TNIP3: variants seen among roughly 807,000 people sequenced by gnomAD.
TNIP3 encodes the protein TNFAIP3-interacting protein 3.
TNIP3 carries 34 observed loss-of-function variants against 54.1 expected under a neutral mutation model. The ratio of observed to expected loss-of-function variants is 0.63; its 90% CI spans 0.48 to 0.84. The LOEUF is 0.84. Among genes scored for constraint, TNIP3 ranks in the 40% least tolerant of loss-of-function variants. The probability of loss-of-function intolerance (pLI) is 0.00; values close to 1 mark genes in which losing one functional copy is unlikely to be tolerated. For missense variants in TNIP3, 366 were observed against 387.6 expected (o/e 0.94, Z 0.47); for synonymous variants, 134 against 136.8 (o/e 0.98, Z 0.14).
At chr4:121,169,745 T>A (rs1427157157) in intron 3 of TNIP3, among the ~76,000 whole-genome samples, 1 of 152,126 alleles carries the variant, frequency 6.6e-6, no homozygotes. Context: ...CTCTCTTTGA[T>A]CCCCCAAACC....
In TNIP3 at chr4:121,164,121, G is replaced by A; in HGVS notation, c.5C>T (p.Ala2Val). MAHFVQGTSRMI... is the reference protein window; with the variant it reads MVHFVQGTSRMI... The stretch of plus-strand genomic sequence containing the variant: ...TCTAGATGTGCCCTGTACAAAATGT[G>A]CCATGGAAGCTGTTTTTCCTGGAGT... Residue 2 changes from alanine (A) to valine (V), a missense_variant, in exon 1 of 11, where the codon GCA (alanine) becomes GTA (valine). Transcript: ENST00000057513. 1 of 1,613,710 alleles carries A rather than the reference G, an allele frequency of 6.2e-7. No individual in the cohort carries two copies.
chr4:121,177,441 T>G (rs991463867), intron 3 of TNIP3, among the ~76,000 whole-genome samples: 9 of 152,240 alleles, frequency 5.9e-5, no homozygotes, highest in Non-Finnish European at 4.4e-5. Context: ...TGAGTCAGTC[T>G]GTTCATTTCT....
At chr4:121,223,933 G>A (rs1727150356) in intron 1 of TNIP3, among the ~76,000 whole-genome samples, 1 of 152,106 alleles carries the variant, frequency 6.6e-6, no homozygotes, top group African/African-American at 2.4e-5. Context: ...CTAACCACGG[G>A]AGGCTACACA....
chr4:121,198,419 A>G (rs1314561389), intron 2 of TNIP3, among the ~76,000 whole-genome samples: 1 of 152,234 alleles, frequency 6.6e-6, no homozygotes, highest in Admixed American at 6.5e-5. Context: ...TTATGAAATC[A>G]TTCTCACAGA....
intron 10 of TNIP3, among the ~76,000 whole-genome samples, chr4:121,135,921 T>C (rs1728754287): frequency 6.6e-6 from 1 of 152,160 alleles, no homozygotes; most frequent in Non-Finnish European, 1.5e-5. Context: ...ATGAAATACA[T>C]CAACTGTGGA....
At chr4:121,220,410 T>G (rs1480670363), upstream of TNIP3, among the ~76,000 whole-genome samples, 1 of 152,200 alleles carries the variant, frequency 6.6e-6, no homozygotes, top group Non-Finnish European at 1.5e-5. Context: ...TTTTGGTTTC[T>G]TTACAAGGGA....
chr4:121,161,443 A>G (rs1730451250), intron 1 of TNIP3, among the ~76,000 whole-genome samples: 1 of 152,194 alleles, frequency 6.6e-6, no homozygotes, highest in Non-Finnish European at 1.5e-5. Context: ...AGTTACCAAT[A>G]TAATTCTTTA....
chr4:121,202,664 T>C (rs1158058466), intron 2 of TNIP3, among the ~76,000 whole-genome samples: 2 of 150,386 alleles, frequency 1.3e-5, no homozygotes, highest in Non-Finnish European at 3.0e-5. Context: ...GGAGAAAATC[T>C]TCACAATCTA....
intron 1 of TNIP3, among the ~76,000 whole-genome samples, chr4:121,163,026 CT>C (rs1252147503): frequency 6.9e-6 from 1 of 145,330 alleles, no homozygotes; most frequent in African/African-American, 2.6e-5. Context: ...ACATTTCACC[CT>C]TGATTTTTCT....
chr4:121,169,869 T>C (rs1338836298), intron 3 of TNIP3, among the ~76,000 whole-genome samples: 1 of 152,250 alleles, frequency 6.6e-6, no homozygotes, highest in Admixed American at 6.5e-5. Context: ...TTCTATGCGA[T>C]ATAGCGAGGT....
intron 3 of TNIP3, among the ~76,000 whole-genome samples, chr4:121,175,191 A>G (rs1724237201): frequency 6.6e-6 from 1 of 152,208 alleles, no homozygotes. Flanking sequence ...TCTTACATTA[A>G]AAGGAATACC....
chr4:121,191,460 A>C (rs1725304641), intron 2 of TNIP3, among the ~76,000 whole-genome samples: 1 of 152,246 alleles, frequency 6.6e-6, no homozygotes, highest in South Asian at 2.1e-4. Context: ...TAGGCATTTC[A>C]ACAAGAACAT....
Position 121,156,726 on chromosome 4 carries a change from T to C in TNIP3, c.363+368A>G, listed in dbSNP as rs925059562. Among the ~76,000 whole-genome samples, 4 of 151,978 alleles carry C rather than the reference T, an allele frequency of 2.6e-5. No individual in the cohort carries two copies. The South Asian group carries it at 8.3e-4, about 32-fold the overall frequency. On this transcript the variant is annotated intron_variant, in intron 4 of 10. Coordinates refer to ENST00000057513, the MANE Select transcript of TNIP3 (RefSeq NM_024873.6). Reference sequence around the variant, plus strand: ...ATTGCCATATTATTATTATGAACACTACTAATAAAAATAATAAATACGAAT... The same window carrying C: ...ATTGCCATATTATTATTATGAACACCACTAATAAAAATAATAAATACGAAT...
chr4:121,177,492 T>C (rs899618762), intron 3 of TNIP3, among the ~76,000 whole-genome samples: 4 of 152,180 alleles, frequency 2.6e-5, no homozygotes, highest in Non-Finnish European at 5.9e-5. Flanking sequence ...GCAATAGTAG[T>C]TGAACAAAAA....
chr4:121,225,560 A>C (rs1727221756), intron 1 of TNIP3, among the ~76,000 whole-genome samples: 1 of 152,248 alleles, frequency 6.6e-6, no homozygotes, highest in Non-Finnish European at 1.5e-5. Flanking sequence ...ATGGGAGTAC[A>C]ACTATGAGTA....
At chr4:121,169,244 C>T (rs1188660222), upstream of TNIP3, among the ~76,000 whole-genome samples, 1 of 152,172 alleles carries the variant, frequency 6.6e-6, no homozygotes, top group Non-Finnish European at 1.5e-5. Context: ...CCATTCTGCG[C>T]CATGCCCTGG....
At chr4:121,149,524 T>C (rs1729617412) in intron 6 of TNIP3, among the ~76,000 whole-genome samples, 1 of 152,192 alleles carries the variant, frequency 6.6e-6, no homozygotes. Flanking sequence ...CCCAACACTT[T>C]GGAAGGCCGA....
intron 2 of TNIP3, 62 bp downstream of exon 2, chr4:121,161,074 A>G: frequency 7.8e-7 from 1 of 1,279,474 alleles, no homozygotes; most frequent in South Asian, 1.3e-5. Context: ...AGGATAATAC[A>G]TTATTTTATC....
At chr4:121,216,292 A>AT (rs1377423656) in intron 2 of TNIP3, 4 of 793,440 alleles carry the variant, frequency 5.0e-6, no homozygotes, top group Non-Finnish European at 7.9e-6. Flanking sequence ...TTTCTATTCT[A>AT]TATAGCTCCA....
Sources: gnomAD v4.1 joint callset for allele counts (sites outside exome capture counted in the v4.1 genomes callset) on GRCh38, gnomAD v4.1.1 for gene constraint, MANE v1.5 for transcripts, NCBI Gene and HGNC (gene_info 2026-07-23, HGNC 2026-07-21) for gene names.